Variants in MRPL22 observed in about 807,000 individuals in gnomAD.
The protein encoded by MRPL22 is large ribosomal subunit protein uL22m.
Under a neutral mutation model 32.4 loss-of-function variants are expected in MRPL22, and 27 were observed. The ratio of observed to expected loss-of-function variants is 0.83; its 90% CI spans 0.61 to 1.15. The LOEUF is 1.15. Ranked by LOEUF, MRPL22 falls within the 50% of genes most tolerant of loss-of-function variation. The pLI is 0.00. For synonymous variants in MRPL22, 86 were observed against 87.3 expected (o/e 0.99, Z 0.08); for missense variants, 239 against 260.2 (o/e 0.92, Z 0.56).
rs1449145541 is a variant in MRPL22 at position 154,950,653 on chromosome 5, G to T, written c.78-168G>T. ...TTAGCCTCTAATAAACTGTCTCTTT[G>T]TTGTGTTTAAAAGTAGTCTCTATTA... On this transcript the variant is annotated intron_variant, in intron 2 of 6. Coordinates refer to ENST00000523037, the MANE Select transcript of MRPL22 (RefSeq NM_014180.4). The T allele has an allele frequency of 1.1e-5, 7 of 630,876 alleles. No homozygotes were observed. The African/African-American group carries it at 1.3e-4, about 12-fold the overall frequency. 39.1% of individuals were successfully genotyped at this position (630,876 alleles called of 1,614,324 possible). A position where few individuals can be genotyped will look rare whatever the true frequency, so the allele number is the denominator to read the frequency against.
intron 6 of MRPL22, among the ~76,000 whole-genome samples, chr5:154,966,227 GC>G (rs1764764709): frequency 1.3e-5 from 2 of 152,086 alleles, no homozygotes; most frequent in Non-Finnish European, 2.9e-5. Context: ...CTTTGCACTT[GC>G]TGTTTCCTCT....
At chr5:154,958,579 C>T (rs1227059826) in intron 5 of MRPL22, among the ~76,000 whole-genome samples, 1 of 142,238 alleles carries the variant, frequency 7.0e-6, no homozygotes, top group Non-Finnish European at 1.5e-5. Flanking sequence ...GAGCCTCGCC[C>T]TGTCGCCCAG....
chr5:154,951,144 G>A (rs1019677694), intron 3 of MRPL22, among the ~76,000 whole-genome samples: 5 of 152,124 alleles, frequency 3.3e-5, no homozygotes, highest in Non-Finnish European at 7.4e-5. Context: ...CCTGGATAGG[G>A]ACCTTAACTC....
At chr5:154,953,658 A>G (rs977715996) in intron 3 of MRPL22, among the ~76,000 whole-genome samples, 2 of 150,156 alleles carry the variant, frequency 1.3e-5, no homozygotes, top group African/African-American at 4.9e-5. Flanking sequence ...GTGAATCTGA[A>G]TCTCATAAAG....
chr5:154,966,987 C>G lies in MRPL22; in HGVS notation c.*90C>G. ...TGAAGGCAAATGCTTTTTATGATTT[C>G]TCATTGAATTATTGAAACAGTGTAT... is the stretch of plus-strand genomic sequence containing the variant. On this transcript the variant is annotated 3_prime_UTR_variant, in exon 7 of 7. Coordinates refer to ENST00000523037, the MANE Select transcript of MRPL22 (RefSeq NM_014180.4). 1 of 1,299,634 alleles carries G rather than the reference C, an allele frequency of 7.7e-7. No homozygotes were observed. The highest frequency in any genetic ancestry group is 2.5e-5 in the East Asian group (1 of 39,540). 80.5% of individuals were successfully genotyped at this position (1,299,634 alleles called of 1,614,324 possible).
chr5:154,964,355 T>TTA (rs945805129), intron 6 of MRPL22, among the ~76,000 whole-genome samples: 2 of 152,172 alleles, frequency 1.3e-5, no homozygotes. Flanking sequence ...CATTACAGTG[T>TTA]TATATATATC....
intron 2 of MRPL22, among the ~76,000 whole-genome samples, chr5:154,944,266 AT>A (rs1190176427): frequency 6.6e-6 from 1 of 151,010 alleles, no homozygotes; most frequent in African/African-American, 2.4e-5. Flanking sequence ...CCAAAAAAAT[AT>A]TTTTTTTTAG....
intron 2 of MRPL22, among the ~76,000 whole-genome samples, chr5:154,948,862 C>G (rs1356155814): frequency 6.6e-6 from 1 of 152,158 alleles, no homozygotes; most frequent in Non-Finnish European, 1.5e-5. Flanking sequence ...GGCTCACTAG[C>G]ATTTTCTAAT....
At position 154,956,625 on chromosome 5, in the gene MRPL22, A is replaced by G. The variant is rs926758055; in HGVS notation, c.261+189A>G. Reference sequence around the variant, plus strand: ...TTTCCTTAATTTTCACCTTTTTCTGAGAAACTAAATCACATTGGATAGATA... The same window carrying G: ...TTTCCTTAATTTTCACCTTTTTCTGGGAAACTAAATCACATTGGATAGATA... On this transcript the variant is annotated intron_variant, in intron 4 of 6. Transcript: ENST00000523037. 2.2e-5 allele frequency: 12 copies of G among 547,456 alleles called. No individual in the cohort carries two copies. The South Asian group carries it at 3.0e-4, about 14-fold the overall frequency. The allele number at this position is 547,456 out of a possible 1,614,324, so 33.9% of individuals were successfully genotyped here.
intron 6 of MRPL22, among the ~76,000 whole-genome samples, chr5:154,963,027 C>T (rs1413988325): frequency 6.6e-6 from 1 of 152,214 alleles, no homozygotes; most frequent in Non-Finnish European, 1.5e-5. Flanking sequence ...CAACCTCTGC[C>T]TCCAGGGTTG....
At position 154,967,118 on chromosome 5, in the gene MRPL22, C is replaced by A; in HGVS notation, c.*221C>A. On this transcript the variant is annotated 3_prime_UTR_variant, in exon 7 of 7. Coordinates refer to ENST00000523037, the MANE Select transcript of MRPL22 (RefSeq NM_014180.4). The surrounding 1 kb of genome is among the most constrained non-coding windows in gnomAD (Gnocchi z 4.7). ...CTTGGAAGGGGAAATCAGCTTTAAACATAGTAACAGACTATATTTCAAAAG... is the reference window on the plus strand; with the variant it reads ...CTTGGAAGGGGAAATCAGCTTTAAAAATAGTAACAGACTATATTTCAAAAG... 1.8e-6 allele frequency: 1 copy of A among 565,024 alleles called. No individual in the cohort carries two copies. Among genetic ancestry groups the A allele is most frequent in the Non-Finnish European group, 3.1e-6 (1 of 323,514 alleles). The allele number at this position is 565,024 out of a possible 1,614,324, so 35.0% of individuals were successfully genotyped here. A position where few individuals can be genotyped will look rare whatever the true frequency, so the allele number is the denominator to read the frequency against.
intron 3 of MRPL22, among the ~76,000 whole-genome samples, chr5:154,954,705 T>C (rs1764609119): frequency 6.6e-6 from 1 of 152,262 alleles, no homozygotes; most frequent in African/African-American, 2.4e-5. Flanking sequence ...CCATTGTTTA[T>C]ATGTGTAAAA....
At chr5:154,947,848 G>C (rs1764512563) in intron 2 of MRPL22, among the ~76,000 whole-genome samples, 1 of 152,184 alleles carries the variant, frequency 6.6e-6, no homozygotes, top group African/African-American at 2.4e-5. Flanking sequence ...TAAGGGATTA[G>C]GTGATGTTTC....
intron 2 of MRPL22, among the ~76,000 whole-genome samples, chr5:154,944,639 G>A (rs1455482051): frequency 6.6e-6 from 1 of 152,174 alleles, no homozygotes. Flanking sequence ...AATATAGTAA[G>A]GGGGGCAAAT....
At chr5:154,947,985 T>C (rs1764514134) in intron 2 of MRPL22, among the ~76,000 whole-genome samples, 1 of 152,214 alleles carries the variant, frequency 6.6e-6, no homozygotes, top group African/African-American at 2.4e-5. Flanking sequence ...GTGGCTAGGC[T>C]ATAAGGGCAG....
At chr5:154,952,373 T>C (rs997921249) in intron 3 of MRPL22, among the ~76,000 whole-genome samples, 6 of 152,238 alleles carry the variant, frequency 3.9e-5, no homozygotes, top group African/African-American at 1.2e-4. Context: ...TAGCAAATGA[T>C]GAACACTATC....
intron 3 of MRPL22, 113 bp downstream of exon 3, chr5:154,951,051 T>C (rs1764554420): frequency 8.6e-6 from 6 of 699,662 alleles, no homozygotes; most frequent in East Asian, 5.2e-5. Context: ...TTCACTCTAA[T>C]TGACAGAGAA....
At chr5:154,959,750 C>G (rs184703) in intron 5 of MRPL22, among the ~76,000 whole-genome samples, 1 of 152,270 alleles carries the variant, frequency 6.6e-6, no homozygotes, top group South Asian at 2.1e-4. Context: ...TTACACATGT[C>G]ATTTAAAACT....
At chr5:154,949,220 T>C (rs886556545) in intron 2 of MRPL22, among the ~76,000 whole-genome samples, 1 of 152,194 alleles carries the variant, frequency 6.6e-6, no homozygotes, top group African/African-American at 2.4e-5. Flanking sequence ...GCTACTAGAT[T>C]GTTCATTGCT....
Sources: allele counts gnomAD v4.1 joint callset (sites outside exome capture counted in the v4.1 genomes callset), GRCh38; gene constraint gnomAD v4.1.1; non-coding constraint Gnocchi (gnomAD v3.1); transcripts MANE v1.5; gene names NCBI Gene and HGNC (gene_info 2026-07-23, HGNC 2026-07-21).